The following EEFSEC variants were observed in gnomAD, a reference collection of about 807,000 sequenced individuals.
The protein encoded by EEFSEC is selenocysteine-specific elongation factor.
A neutral mutation model predicts 42.1 loss-of-function variants in EEFSEC; 43 were observed. The ratio of observed to expected loss-of-function variants is 1.02; its 90% CI spans 0.80 to 1.32. The LOEUF (loss-of-function observed/expected upper bound fraction) is 1.32, where lower values mean the gene tolerates loss of function less well. Among genes scored for constraint, EEFSEC ranks in the 40% most tolerant of loss-of-function variants. EEFSEC has a pLI of 0.00. For missense variants in EEFSEC, 745 were observed against 803.6 expected (o/e 0.93, Z 0.88); for synonymous variants, 354 against 339.1 (o/e 1.04, Z -0.48).
intron 1 of EEFSEC, among the ~76,000 whole-genome samples, chr3:128,158,831 A>C (rs1172144344): frequency 6.6e-6 from 1 of 152,254 alleles, no homozygotes; most frequent in Non-Finnish European, 1.5e-5. Flanking sequence ...GAAGCTCTTC[A>C]TATTGCAAAA....
intron 1 of EEFSEC, among the ~76,000 whole-genome samples, chr3:128,189,248 A>G (rs2065496610): frequency 6.6e-6 from 1 of 152,224 alleles, no homozygotes; most frequent in Non-Finnish European, 1.5e-5. Context: ...CTCGCAGAAG[A>G]CAAAACTCCA....
intron 4 of EEFSEC, among the ~76,000 whole-genome samples, chr3:128,309,167 A>C (rs2066863708): frequency 6.6e-6 from 1 of 152,224 alleles, no homozygotes; most frequent in Non-Finnish European, 1.5e-5. Context: ...TAGTCCTGGC[A>C]CATGGCTTGG....
At chr3:128,350,182 C>T (rs1443516558) in intron 5 of EEFSEC, among the ~76,000 whole-genome samples, 1 of 152,258 alleles carries the variant, frequency 6.6e-6, no homozygotes, top group Non-Finnish European at 1.5e-5. Context: ...CTCTGCCCCA[C>T]TCCACTGCTG....
chr3:128,422,623 A>G, the EEFSEC span, among the ~76,000 whole-genome samples: 1 of 152,200 alleles, frequency 6.6e-6, no homozygotes, highest in African/African-American at 2.4e-5. Flanking sequence ...CTGGCCCATT[A>G]GTTTATTGAT....
intron 4 of EEFSEC, among the ~76,000 whole-genome samples, chr3:128,299,125 CT>C (rs2066739174): frequency 6.6e-6 from 1 of 152,100 alleles, no homozygotes; most frequent in Non-Finnish European, 1.5e-5. Context: ...TCTATTTTTA[CT>C]TTTTTGAGGA....
At chr3:128,383,134 C>T (rs1010715871) in intron 6 of EEFSEC, among the ~76,000 whole-genome samples, 5 of 152,182 alleles carry the variant, frequency 3.3e-5, no homozygotes, top group Non-Finnish European at 5.9e-5. Flanking sequence ...TCCAAAAGAA[C>T]ACCCCCAAAC....
intron 1 of EEFSEC, among the ~76,000 whole-genome samples, chr3:128,189,112 A>T (rs1489954423): frequency 6.6e-6 from 1 of 152,174 alleles, no homozygotes; most frequent in Non-Finnish European, 1.5e-5. Flanking sequence ...ATCAAGTGAC[A>T]CTGAATCATC....
At chr3:128,380,687 T>C (rs1559949565) in intron 6 of EEFSEC, among the ~76,000 whole-genome samples, 1 of 152,240 alleles carries the variant, frequency 6.6e-6, no homozygotes, top group Non-Finnish European at 1.5e-5. Flanking sequence ...TGGTCAGCGG[T>C]TCTGGTTGAC....
chr3:128,421,517 C>T, the EEFSEC span, among the ~76,000 whole-genome samples: 2 of 152,236 alleles, frequency 1.3e-5, no homozygotes, highest in African/African-American at 4.8e-5. Context: ...CCCTGCACCC[C>T]TGCACCTGTG....
At chr3:128,172,925 T>A (rs183687479) in intron 1 of EEFSEC, among the ~76,000 whole-genome samples, 6 of 152,348 alleles carry the variant, frequency 3.9e-5, no homozygotes, top group Admixed American at 3.9e-4. Context: ...TACTCTTTTG[T>A]AATCGCAACA....
At chr3:128,416,295 C>T in the EEFSEC span, among the ~76,000 whole-genome samples, 9 of 152,068 alleles carry the variant, frequency 5.9e-5, no homozygotes, top group East Asian at 7.7e-4. Context: ...GGGCAGCTGC[C>T]GACACAGTGC....
intron 4 of EEFSEC, among the ~76,000 whole-genome samples, chr3:128,320,838 G>T (rs1212670061): frequency 1.3e-5 from 2 of 152,184 alleles, no homozygotes; most frequent in African/African-American, 4.8e-5. Context: ...CTCCTGGACG[G>T]GAGCTTCCTG....
rs1376990056 is a variant in EEFSEC, at chr3:128,341,319, C to A, written c.873C>A (p.Thr291=). Residue 291 remains threonine, a synonymous_variant, in exon 5 of 7, where the codon ACC becomes ACA. Coordinates refer to ENST00000254730, the MANE Select transcript of EEFSEC (RefSeq NM_021937.5). The part of the protein sequence containing the change: ...MQGDRLGICV[T]QFDPKLLERG... ...GAGACCGGCTGGGCATCTGCGTCAC[C>A]CAGTTTGACCCTAAGCTGCTGGAGC... 1 of 1,614,188 alleles carries A rather than the reference C, an allele frequency of 6.2e-7. No individual in the cohort carries two copies. The highest frequency in any genetic ancestry group is 1.1e-5 in the South Asian group (1 of 91,080).
intron 1 of EEFSEC, among the ~76,000 whole-genome samples, chr3:128,234,550 G>A (rs544248428): frequency 6.6e-6 from 1 of 152,268 alleles, no homozygotes; most frequent in East Asian, 1.9e-4. Flanking sequence ...ACTGTGGTGC[G>A]AGGACATTTC....
At chr3:128,270,342 TGCGGACCC>T (rs2066400880) in intron 4 of EEFSEC, among the ~76,000 whole-genome samples, 1 of 152,180 alleles carries the variant, frequency 6.6e-6, no homozygotes. Flanking sequence ...AAATATGCTT[TGCGGACCC>T]CACTATGTGG....
intron 1 of EEFSEC, among the ~76,000 whole-genome samples, chr3:128,212,083 G>A (rs909510012): frequency 3.3e-5 from 5 of 151,426 alleles, no homozygotes; most frequent in South Asian, 2.1e-4. Context: ...GGATAGTCTC[G>A]ATCTCCTGAC....
intron 1 of EEFSEC, among the ~76,000 whole-genome samples, chr3:128,213,777 T>A (rs1304150624): frequency 2.6e-5 from 4 of 152,192 alleles, no homozygotes; most frequent in African/African-American, 9.7e-5. Context: ...GTACTTTTTA[T>A]GGAAGTTTTT....
the EEFSEC span, among the ~76,000 whole-genome samples, chr3:128,417,245 G>A: frequency 6.6e-6 from 1 of 151,994 alleles, no homozygotes; most frequent in East Asian, 1.9e-4. The surrounding 1 kb of genome is among the most constrained non-coding windows in gnomAD (Gnocchi z 4.3). Context: ...CTTCCTCAGG[G>A]CAATTGCCAG....
chr3:128,161,966 C>T (rs1170969518), intron 1 of EEFSEC, among the ~76,000 whole-genome samples: 1 of 152,344 alleles, frequency 6.6e-6, no homozygotes, highest in East Asian at 1.9e-4. Flanking sequence ...TTGGGTGTTA[C>T]TCTAATGCAA....
Sources: allele counts gnomAD v4.1 joint callset (sites outside exome capture counted in the v4.1 genomes callset), GRCh38; gene constraint gnomAD v4.1.1; non-coding constraint Gnocchi (gnomAD v3.1); transcripts MANE v1.5; gene names NCBI Gene and HGNC (gene_info 2026-07-23, HGNC 2026-07-21).